OSTN: variants seen among roughly 807,000 people sequenced by gnomAD.
The protein encoded by OSTN is osteocrin.
In OSTN, 9 loss-of-function variants were observed where a neutral mutation model predicts 12.0. The ratio of observed to expected loss-of-function variants is 0.75; its 90% CI spans 0.45 to 1.30. OSTN has a LOEUF of 1.30. Among genes scored for constraint, OSTN ranks in the 50% most tolerant of loss-of-function variants. OSTN has a pLI of 0.00. For missense variants in OSTN, 148 were observed against 152.3 expected, an observed-to-expected ratio of 0.97 and a Z score of 0.15; for synonymous variants, 59 against 56.9, an observed-to-expected ratio of 1.04 and a Z score of -0.16.
chr3:191,263,106 T>A lies in OSTN; in HGVS notation c.*253T>A, dbSNP rs1254102840. The stretch of plus-strand genomic sequence containing the variant: ...TTATTCAAGAATGGTTAACTTCCCC[T>A]TAAACCTTACTTTTAAAAATAATAA... On this transcript the variant is annotated 3_prime_UTR_variant, in exon 5 of 5. Coordinates refer to ENST00000682035, the MANE Select transcript of OSTN (RefSeq NM_198184.2). The A allele has an allele frequency of 2.2e-6, 1 of 455,648 alleles. No individual in the cohort carries two copies. Among genetic ancestry groups the A allele is most frequent in the African/African-American group, 2.0e-5 (1 of 50,484 alleles). 28.2% of individuals were successfully genotyped at this position (455,648 alleles called of 1,614,324 possible).
At chr3:191,226,472 T>C (rs1177048554) in intron 3 of OSTN, among the ~76,000 whole-genome samples, 1 of 152,194 alleles carries the variant, frequency 6.6e-6, no homozygotes, top group East Asian at 1.9e-4. Context: ...ACATACTGTG[T>C]TCTTAAGTCA....
chr3:191,245,370 A>G (rs1395270535), intron 3 of OSTN, among the ~76,000 whole-genome samples: 2 of 152,248 alleles, frequency 1.3e-5, no homozygotes, highest in African/African-American at 4.8e-5. Flanking sequence ...TGTTAAGTGA[A>G]TAAACAGCTC....
intron 3 of OSTN, among the ~76,000 whole-genome samples, chr3:191,219,267 C>G (rs1426145922): frequency 6.6e-6 from 1 of 152,138 alleles, no homozygotes; most frequent in African/African-American, 2.4e-5. Context: ...AAAATGTATG[C>G]TCAGTGGCAT....
intron 4 of OSTN, among the ~76,000 whole-genome samples, chr3:191,258,030 C>T (rs1715709370): frequency 1.3e-5 from 2 of 152,138 alleles, no homozygotes; most frequent in South Asian, 4.1e-4. Context: ...TCTAAAAAGA[C>T]AGATTGAAAC....
At chr3:191,213,533 A>G (rs1714521217) in intron 2 of OSTN, among the ~76,000 whole-genome samples, 1 of 152,158 alleles carries the variant, frequency 6.6e-6, no homozygotes, top group African/African-American at 2.4e-5. Context: ...CTTTTATGTA[A>G]AATTTGAAGT....
At chr3:191,219,070 A>G in intron 3 of OSTN, 109 bp downstream of exon 3, 1 of 979,418 alleles carries the variant, frequency 1.0e-6, no homozygotes. Flanking sequence ...TGTATATATA[A>G]ACAGATTTGA....
intron 2 of OSTN, among the ~76,000 whole-genome samples, chr3:191,213,634 AAG>A (rs1310567538): frequency 5.3e-5 from 8 of 152,212 alleles, no homozygotes; most frequent in Middle Eastern, 6.8e-3. Context: ...TACAAAGAAA[AAG>A]AAATGTGAGG....
At chr3:191,203,799 TCTAACTGG>T (rs1714206703) in intron 1 of OSTN, among the ~76,000 whole-genome samples, 1 of 152,226 alleles carries the variant, frequency 6.6e-6, no homozygotes, top group Non-Finnish European at 1.5e-5. Context: ...TGGCTCTTCT[TCTAACTGG>T]CTTTGTGACT....
At chr3:191,205,208 G>A (rs564769854) in intron 1 of OSTN, among the ~76,000 whole-genome samples, 3 of 152,054 alleles carry the variant, frequency 2.0e-5, no homozygotes, top group East Asian at 3.9e-4. Context: ...CTTACATTTT[G>A]TGAAGAAAAT....
At chr3:191,246,286 G>A (rs1265233645) in intron 3 of OSTN, among the ~76,000 whole-genome samples, 1 of 151,644 alleles carries the variant, frequency 6.6e-6, no homozygotes, top group Non-Finnish European at 1.5e-5. Context: ...CCTTACAGTG[G>A]CAGGACCAAG....
intron 1 of OSTN, among the ~76,000 whole-genome samples, chr3:191,207,921 A>G (rs1334648384): frequency 6.6e-6 from 1 of 152,210 alleles, no homozygotes; most frequent in Non-Finnish European, 1.5e-5. Context: ...ACATGTGGAA[A>G]GTCCTTAAAA....
intron 3 of OSTN, among the ~76,000 whole-genome samples, chr3:191,225,509 A>G (rs1714886643): frequency 6.6e-6 from 1 of 152,118 alleles, no homozygotes; most frequent in South Asian, 2.1e-4. Context: ...ACCAAAAACT[A>G]CATTTAAACA....
chr3:191,207,516 T>TC (rs1286274307), intron 1 of OSTN, among the ~76,000 whole-genome samples: 1 of 152,190 alleles, frequency 6.6e-6, no homozygotes, highest in African/African-American at 2.4e-5. Flanking sequence ...TCTCTAACAT[T>TC]TATACATCTC....
chr3:191,221,471 A>G (rs1269818758), intron 3 of OSTN, among the ~76,000 whole-genome samples: 2 of 152,202 alleles, frequency 1.3e-5, no homozygotes, highest in Non-Finnish European at 2.9e-5. Flanking sequence ...TGATGTGGTC[A>G]ATGAAGTCCA....
At chr3:191,220,132 A>G (rs754055587) in intron 3 of OSTN, among the ~76,000 whole-genome samples, 79 of 152,178 alleles carry the variant, frequency 5.2e-4, no homozygotes, top group Non-Finnish European at 1.0e-3. Flanking sequence ...CTTAATTCTT[A>G]GAGACCTGGG....
chr3:191,253,757 G>A (rs1715613741), intron 4 of OSTN, among the ~76,000 whole-genome samples: 1 of 152,236 alleles, frequency 6.6e-6, no homozygotes, highest in East Asian at 1.9e-4. Flanking sequence ...CTGGACAAGG[G>A]AAGGGCTGGT....
intron 3 of OSTN, among the ~76,000 whole-genome samples, chr3:191,222,551 T>C (rs59105737): frequency 0.093 from 14,201 of 152,218 alleles, 2,254 homozygotes; most frequent in African/African-American, 0.33. Flanking sequence ...TTCAGGCTCA[T>C]AGGCAGAAGA....
intron 1 of OSTN, among the ~76,000 whole-genome samples, chr3:191,201,226 A>G (rs1211508959): frequency 6.6e-6 from 1 of 151,566 alleles, no homozygotes; most frequent in Admixed American, 6.6e-5. Flanking sequence ...AATACAAACC[A>G]TCTCCTCCCT....
Position 191,218,823 on chromosome 3 carries a change from C to T in OSTN, c.179C>T (p.Ala60Val), listed in dbSNP as rs1270757921. ...GAGAAATCAGCCACTGACCTGACAG[C>T]AAAACTCTTGCTTCTTGATGAATTG... ...REEKSATDLT[A>V]KLLLLDELVS... Residue 60 changes from alanine (A) to valine (V), a missense_variant, in exon 3 of 5, where the codon GCA becomes GTA. Ala to Val is a moderately conservative substitution (Grantham distance 64). Coordinates refer to ENST00000682035, the MANE Select transcript of OSTN (RefSeq NM_198184.2). 1 of 1,613,890 alleles carries T rather than the reference C, an allele frequency of 6.2e-7. No individual in the cohort carries two copies. Among genetic ancestry groups the T allele is most frequent in the Non-Finnish European group, 8.5e-7 (1 of 1,179,982 alleles).
Sources: allele counts gnomAD v4.1 joint callset (sites outside exome capture counted in the v4.1 genomes callset), GRCh38; gene constraint gnomAD v4.1.1; transcripts MANE v1.5; gene names NCBI Gene and HGNC (gene_info 2026-07-23, HGNC 2026-07-21).